Variants in DLG1 observed in about 807,000 individuals in gnomAD.
DLG1 encodes discs large MAGUK scaffold protein 1.
A neutral mutation model predicts 123.4 loss-of-function variants in DLG1; 42 were observed. The ratio of observed to expected loss-of-function variants is 0.34; its 90% CI spans 0.27 to 0.44. The LOEUF is 0.44. DLG1 is among the 20% of genes least tolerant of loss of function. The pLI, the probability that DLG1 is intolerant of heterozygous loss-of-function variation, is 1.00. For missense variants in DLG1, 942 were observed against 1,082.6 expected, an observed-to-expected ratio of 0.87 and a Z score of 1.82; for synonymous variants, 317 against 356.2, an observed-to-expected ratio of 0.89 and a Z score of 1.24.
chr3:197,135,518 G>A (rs1410868551), intron 10 of DLG1, among the ~76,000 whole-genome samples: 5 of 152,226 alleles, frequency 3.3e-5, no homozygotes, highest in South Asian at 2.1e-4. Flanking sequence ...CAATTAAACC[G>A]CTTTCCTTTA....
At chr3:197,048,977 G>GAGTT (rs1560299483) in intron 24 of DLG1, among the ~76,000 whole-genome samples, 1 of 152,106 alleles carries the variant, frequency 6.6e-6, no homozygotes, top group Non-Finnish European at 1.5e-5. Context: ...ATTAAAAACT[G>GAGTT]AGTTATTATA....
chr3:197,262,398 A>G (rs977587267), intron 4 of DLG1, among the ~76,000 whole-genome samples: 3 of 152,184 alleles, frequency 2.0e-5, no homozygotes, highest in Non-Finnish European at 4.4e-5. Flanking sequence ...ACCTTGCCCT[A>G]TGTATCTCTT....
intron 5 of DLG1, among the ~76,000 whole-genome samples, chr3:197,181,634 A>T (rs1309879519): frequency 6.6e-6 from 1 of 152,208 alleles, no homozygotes; most frequent in East Asian, 1.9e-4. Context: ...TAAAAAAATT[A>T]AGATATATAA....
At chr3:197,297,158 A>G in intron 2 of DLG1, 28 bp downstream of exon 2, 1 of 1,613,934 alleles carries the variant, frequency 6.2e-7, no homozygotes, top group Non-Finnish European at 8.5e-7. Flanking sequence ...AGTGACATCG[A>G]CAACAGAGTT....
intron 14 of DLG1, among the ~76,000 whole-genome samples, chr3:197,093,766 C>T (rs1173399047): frequency 6.6e-6 from 1 of 152,056 alleles, no homozygotes; most frequent in Non-Finnish European, 1.5e-5. Context: ...TTTATTCAAG[C>T]TTTTAACATA....
intron 13 of DLG1, among the ~76,000 whole-genome samples, chr3:197,109,300 A>T (rs1768431954): frequency 6.6e-6 from 1 of 152,260 alleles, no homozygotes; most frequent in African/African-American, 2.4e-5. Context: ...AGTAAGTTTG[A>T]GGCTGCAGTG....
At position 197,104,916 on chromosome 3, in the gene DLG1, T is replaced by C. The variant is rs200883944; in HGVS notation, c.1533A>G (p.Gln511=). The change falls in exon 14 of 25, where the codon CAA becomes CAG. Residue 511 remains glutamine (Q), a synonymous_variant. Coordinates refer to ENST00000667157, the MANE Select transcript of DLG1 (RefSeq NM_001366207.1). ...NAGQAVTIVA[Q]YRPEEYSRFE... ...GAATGTTATTACCTTCAGGTCGATA[T>C]TGTGCAACAATTGTGACAGCCTGGC... The C allele has an allele frequency of 2.0e-5, 33 of 1,611,584 alleles. No homozygotes were observed. Among genetic ancestry groups the C allele is most frequent in the Admixed American group, 1.5e-4 (9 of 59,850 alleles).
At chr3:197,148,844 C>A (rs974847446) in intron 6 of DLG1, among the ~76,000 whole-genome samples, 1 of 152,042 alleles carries the variant, frequency 6.6e-6, no homozygotes, top group Non-Finnish European at 1.5e-5. Context: ...ATCATTATCA[C>A]GAAATTGCGG....
intron 4 of DLG1, among the ~76,000 whole-genome samples, chr3:197,242,103 T>C (rs1217666618): frequency 1.3e-5 from 2 of 152,108 alleles, no homozygotes; most frequent in East Asian, 1.9e-4. Flanking sequence ...AGGGAAAAGA[T>C]ATTTCATGCA....
Position 197,136,666 on chromosome 3 carries a change from C to A in DLG1, c.896G>T (p.Ser299Ile). The change falls in exon 10 of 25, where the codon AGC (serine) becomes ATC (isoleucine). Residue 299 changes from serine (S) to isoleucine (I), a missense_variant. Physicochemically the swap from Ser to Ile is moderately radical, Grantham distance 142. Transcript: ENST00000667157. Reference sequence around the variant, plus strand: ...CTGATTTCCAACACCTCCAGCAATGCTAAACCCAAGACCTGTTTGGAAAAC... The same window carrying A: ...CTGATTTCCAACACCTCCAGCAATGATAAACCCAAGACCTGTTTGGAAAAC... Reference protein sequence around the residue: ...LIKGPKGLGFSIAGGVGNQHI... With the variant: ...LIKGPKGLGFIIAGGVGNQHI... The A allele has an allele frequency of 6.2e-7, 1 of 1,611,098 alleles. No individual in the cohort carries two copies. The highest frequency in any genetic ancestry group is 8.5e-7 in the Non-Finnish European group (1 of 1,179,084).
intron 4 of DLG1, among the ~76,000 whole-genome samples, chr3:197,202,406 T>C (rs1726256372): frequency 6.6e-6 from 1 of 152,196 alleles, no homozygotes; most frequent in Non-Finnish European, 1.5e-5. Context: ...TCCAACACTA[T>C]GATGTGAAAT....
intron 4 of DLG1, among the ~76,000 whole-genome samples, chr3:197,222,351 A>T (rs1041064136): frequency 6.6e-6 from 1 of 152,192 alleles, no homozygotes; most frequent in Non-Finnish European, 1.5e-5. Context: ...AAGAAAAAAG[A>T]TGTCCACAGC....
At chr3:197,289,074 T>C (rs1306630411) in intron 3 of DLG1, among the ~76,000 whole-genome samples, 4 of 152,166 alleles carry the variant, frequency 2.6e-5, no homozygotes, top group African/African-American at 9.7e-5. Flanking sequence ...GTGTTTTTAG[T>C]ACAAGAAGTC....
rs561519507 is a variant in DLG1 at position 197,262,770 on chromosome 3, C to G, written c.318+19909G>C. Among the ~76,000 whole-genome samples the G allele has an allele frequency of 2.3e-4, 35 of 152,302 alleles. 1 individual carries two copies. Among genetic ancestry groups the G allele is most frequent in the South Asian group, 1.5e-3 (7 of 4,826 alleles). On this transcript the variant is annotated intron_variant, in intron 4 of 24. Coordinates refer to ENST00000667157, the MANE Select transcript of DLG1 (RefSeq NM_001366207.1). The stretch of plus-strand genomic sequence containing the variant: ...ACCCAGTAGGTGTCCACTGGAAAAG[C>G]TTCACCAAAAACCTCCTCACACATC...
At chr3:197,068,520 CATCTGTA>C in intron 19 of DLG1, 1 of 1,582,640 alleles carries the variant, frequency 6.3e-7, no homozygotes, top group Non-Finnish European at 8.6e-7. Context: ...CAGCCATACT[CATCTGTA>C]ATCAAGATTA....
intron 23 of DLG1, among the ~76,000 whole-genome samples, chr3:197,052,894 A>G (rs940030181): frequency 7.2e-5 from 11 of 152,246 alleles, no homozygotes; most frequent in African/African-American, 2.4e-4. Context: ...ATTTTATTCC[A>G]ACAAACTGAA....
intron 4 of DLG1, among the ~76,000 whole-genome samples, chr3:197,240,729 G>GA (rs924486810): frequency 6.6e-6 from 1 of 151,602 alleles, no homozygotes; most frequent in Non-Finnish European, 1.5e-5. Context: ...GAAAAGAAAA[G>GA]AAAAAAATCA....
chr3:197,270,500 T>C (rs1763460099), intron 4 of DLG1, among the ~76,000 whole-genome samples: 2 of 152,104 alleles, frequency 1.3e-5, no homozygotes, highest in Admixed American at 6.5e-5. Context: ...TCATCCCTAG[T>C]TGATGAAGAA....
chr3:197,252,360 C>A (rs1352326485), intron 4 of DLG1, among the ~76,000 whole-genome samples: 1 of 151,802 alleles, frequency 6.6e-6, no homozygotes, highest in Non-Finnish European at 1.5e-5. Context: ...ATAATGGATA[C>A]GAAAAATGTG....
Sources: allele counts gnomAD v4.1 joint callset (sites outside exome capture counted in the v4.1 genomes callset), GRCh38; gene constraint gnomAD v4.1.1; transcripts MANE v1.5; gene names NCBI Gene and HGNC (gene_info 2026-07-23, HGNC 2026-07-21).